PCDHGA3: variants seen among roughly 807,000 people sequenced by gnomAD.
The protein encoded by PCDHGA3 is protocadherin gamma-A3.
A neutral mutation model predicts 58.5 loss-of-function variants in PCDHGA3; 40 were observed. That is an observed-to-expected ratio of 0.68 (90% CI 0.53 to 0.89). The LOEUF (loss-of-function observed/expected upper bound fraction) is 0.89. Among genes scored for constraint, PCDHGA3 ranks in the 40% least tolerant of loss-of-function variants. PCDHGA3 has a pLI of 0.00. For synonymous variants in PCDHGA3, 530 were observed against 525.7 expected, an observed-to-expected ratio of 1.01 and a Z score of -0.11; for missense variants, 1,223 against 1,195.9, an observed-to-expected ratio of 1.02 and a Z score of -0.33.
rs547484104 is a variant in PCDHGA3, at chr5:141,350,552, G to A, written c.2424+4095G>A. ...AGAGAAGATTTGCGGAAGGAAACTT[G>A]AGTGTGCACTAGAATTCGAAACGGT... On this transcript the variant is annotated intron_variant, in intron 1 of 3. Coordinates refer to ENST00000253812, the MANE Select transcript of PCDHGA3 (RefSeq NM_018916.4). 18 of 1,614,064 alleles carry A rather than the reference G, an allele frequency of 1.1e-5. No individual in the cohort carries two copies. The Admixed American group carries it at 1.2e-4, about 10-fold the overall frequency.
At chr5:141,419,877 C>T in intron 1 of PCDHGA3, 3 of 1,614,062 alleles carry the variant, frequency 1.9e-6, no homozygotes, top group Non-Finnish European at 8.5e-7. Flanking sequence ...GAGGTACTGC[C>T]GGATTTCAGC....
In PCDHGA3 at chr5:141,421,687, G is replaced by C. The variant is rs763146085; in HGVS notation, c.2425-73120G>C. On this transcript the variant is annotated intron_variant, in intron 1 of 3. Coordinates refer to ENST00000253812, the MANE Select transcript of PCDHGA3 (RefSeq NM_018916.4). ...GCACGCAATTCCTGGGGCGCGATTT[G>C]CTCTTCCTAATGCTAGGGATCCAGA... 1.3e-5 allele frequency: 21 copies of C among 1,613,788 alleles called. No individual in the cohort carries two copies. Among genetic ancestry groups the C allele is most frequent in the Non-Finnish European group, 1.8e-5 (21 of 1,179,860 alleles).
At chr5:141,385,132 G>A (rs763210124) in intron 1 of PCDHGA3, 9 of 1,614,208 alleles carry the variant, frequency 5.6e-6, no homozygotes, top group Middle Eastern at 1.6e-4. Flanking sequence ...GGGCATGGAC[G>A]GGGTGCAGGC....
intron 1 of PCDHGA3, chr5:141,355,438 C>T: frequency 1.9e-6 from 3 of 1,614,084 alleles, no homozygotes; most frequent in Non-Finnish European, 2.5e-6. Context: ...CCTGAACCCG[C>T]GCAGCGGCAC....
At chr5:141,419,729 G>A in intron 1 of PCDHGA3, 1 of 1,613,758 alleles carries the variant, frequency 6.2e-7, no homozygotes, top group Non-Finnish European at 8.5e-7. Context: ...GCTGCGAACA[G>A]GCGAGGTGCG....
chr5:141,417,782 C>T (rs2096161767), intron 1 of PCDHGA3: 1 of 1,473,310 alleles, frequency 6.8e-7, no homozygotes, highest in Non-Finnish European at 9.0e-7. Flanking sequence ...CTGTCCTGGG[C>T]CGAATGCTCT....
intron 2 of PCDHGA3, 160 bp from the exon 3 acceptor site, chr5:141,505,233 C>T: frequency 1.1e-6 from 1 of 872,838 alleles, no homozygotes; most frequent in Non-Finnish European, 1.4e-6. Context: ...ATTCTGGCTT[C>T]TGAAGGATTG....
In PCDHGA3 at chr5:141,431,184, T is replaced by G. The variant is rs754537015; in HGVS notation, c.2425-63623T>G. The G allele has an allele frequency of 5.6e-6, 9 of 1,614,090 alleles. No homozygotes were observed. Among genetic ancestry groups the G allele is most frequent in the Non-Finnish European group, 6.8e-6 (8 of 1,180,050 alleles). ...CGTGAAAGTGAATTAGAAATAAAAA[T>G]TAGTGAAAATGCAGCCACTGAGATG... On this transcript the variant is annotated intron_variant, in intron 1 of 3. Transcript: ENST00000253812. The surrounding 1 kb of genome is among the most constrained non-coding windows in gnomAD (Gnocchi z 4.8).
intron 3 of PCDHGA3, among the ~76,000 whole-genome samples, chr5:141,510,054 G>A (rs1166696269): frequency 1.3e-5 from 2 of 152,180 alleles, no homozygotes; most frequent in Non-Finnish European, 2.9e-5. Context: ...AAAAGTGATT[G>A]TGCATGTGAA....
In PCDHGA3 at chr5:141,357,378, C is replaced by A. The variant is rs1489356884; in HGVS notation, c.2424+10921C>A. 3 of 1,614,096 alleles carry A rather than the reference C, an allele frequency of 1.9e-6. No individual in the cohort carries two copies. The South Asian group carries it at 3.3e-5, about 18-fold the overall frequency. On this transcript the variant is annotated intron_variant, in intron 1 of 3. Transcript: ENST00000253812. ...GCTGGCACAAGTCACGCCTGCTTCA[C>A]GCTGAAGGCAGCAGGTTGGCAGGTG...
chr5:141,476,023 G>T lies in PCDHGA3; in HGVS notation c.2425-18784G>T. On this transcript the variant is annotated intron_variant, in intron 1 of 3. Coordinates refer to ENST00000253812, the MANE Select transcript of PCDHGA3 (RefSeq NM_018916.4). The surrounding 1 kb of genome is among the most constrained non-coding windows in gnomAD (Gnocchi z 7.6). Reference sequence around the variant, plus strand: ...CATCCAGAAAGCCATGTCGGACTCGGCGCCCAGCGCCCAAGCGCTAACCCG... The same window carrying T: ...CATCCAGAAAGCCATGTCGGACTCGTCGCCCAGCGCCCAAGCGCTAACCCG... The T allele has an allele frequency of 7.1e-7, 1 of 1,415,690 alleles. No individual in the cohort carries two copies. Among genetic ancestry groups the T allele is most frequent in the Non-Finnish European group, 9.5e-7 (1 of 1,057,324 alleles). 87.7% of individuals were successfully genotyped at this position (1,415,690 alleles called of 1,614,324 possible).
rs115237553 is a variant in PCDHGA3, at chr5:141,476,478, T to A, written c.2425-18329T>A. 1.3e-4 allele frequency: 203 copies of A among 1,613,844 alleles called. 2 individuals are homozygous for A. The African/African-American group carries it at 2.5e-3, about 20-fold the overall frequency. Reference sequence around the variant, plus strand: ...GAGAACCCGCTGGAGCTGTTCAGCGTGGAAGTGGTGATCCAGGACATCAAC... The same window carrying A: ...GAGAACCCGCTGGAGCTGTTCAGCGAGGAAGTGGTGATCCAGGACATCAAC... On this transcript the variant is annotated intron_variant, in intron 1 of 3. Transcript: ENST00000253812. The surrounding 1 kb of genome is among the most constrained non-coding windows in gnomAD (Gnocchi z 7.6).
intron 1 of PCDHGA3, among the ~76,000 whole-genome samples, chr5:141,464,263 T>TA (rs35224477): frequency 7.1e-4 from 74 of 103,538 alleles, no homozygotes; most frequent in East Asian, 1.9e-3. Flanking sequence ...AGACTCCGTC[T>TA]AAAAAAAAAA....
intron 1 of PCDHGA3, chr5:141,371,951 C>T: frequency 6.2e-7 from 1 of 1,613,306 alleles, no homozygotes; most frequent in Non-Finnish European, 8.5e-7. Context: ...CGCAGCGAGC[C>T]TTCGACCACG....
At chr5:141,415,264 C>G (rs1342050986) in intron 1 of PCDHGA3, 2 of 1,614,210 alleles carry the variant, frequency 1.2e-6, no homozygotes, top group Non-Finnish European at 1.7e-6. Flanking sequence ...CACTCTGTAC[C>G]TGGTGGTAGC....
intron 1 of PCDHGA3, among the ~76,000 whole-genome samples, chr5:141,458,809 T>G (rs2098953834): frequency 6.6e-6 from 1 of 152,190 alleles, no homozygotes; most frequent in Non-Finnish European, 1.5e-5. Flanking sequence ...CTCAGCTCAC[T>G]GCAACCTCTG....
At position 141,493,202 on chromosome 5, in the gene PCDHGA3, A is replaced by G. The variant is rs1246390819; in HGVS notation, c.2425-1605A>G. Among the ~76,000 whole-genome samples, 1 of 152,196 alleles carries G rather than the reference A, an allele frequency of 6.6e-6. No individual in the cohort carries two copies. ...ACTATATAACTCCTTTGAGAACCTC[A>G]TCTCATTTGCTCTTCCCACCATTGC... On this transcript the variant is annotated intron_variant, in intron 1 of 3. Transcript: ENST00000253812. The surrounding 1 kb of genome is among the most constrained non-coding windows in gnomAD (Gnocchi z 4.3).
At chr5:141,473,809 A>C (rs1230574978) in intron 1 of PCDHGA3, among the ~76,000 whole-genome samples, 2 of 152,242 alleles carry the variant, frequency 1.3e-5, no homozygotes, top group East Asian at 3.8e-4. Flanking sequence ...ACTGAGGAGC[A>C]GCTGGACAAT....
intron 1 of PCDHGA3, chr5:141,351,950 G>C (rs1343539435): frequency 6.2e-7 from 1 of 1,613,000 alleles, no homozygotes; most frequent in Non-Finnish European, 8.5e-7. Flanking sequence ...CCCCGCGCTG[G>C]GGCCTGATGG....
Sources: allele counts gnomAD v4.1 joint callset (sites outside exome capture counted in the v4.1 genomes callset), GRCh38; gene constraint gnomAD v4.1.1; non-coding constraint Gnocchi (gnomAD v3.1); transcripts MANE v1.5; gene names NCBI Gene and HGNC (gene_info 2026-07-23, HGNC 2026-07-21).